Variants in RBFOX1 observed in about 807,000 individuals in gnomAD.
The protein encoded by RBFOX1 is RNA binding protein fox-1 homolog 1.
RBFOX1 carries 8 observed loss-of-function variants against 57.7 expected under a neutral mutation model. The observed-to-expected ratio is 0.14, with a 90% CI of 0.08 to 0.25. The LOEUF (loss-of-function observed/expected upper bound fraction) is 0.25, where lower values mean the gene tolerates loss of function less well. Ranked by LOEUF, RBFOX1 falls within the 10% of genes least tolerant of loss-of-function variation. The pLI, the probability that RBFOX1 is intolerant of heterozygous loss-of-function variation, is 1.00. For synonymous variants in RBFOX1, 326 were observed against 222.4 expected (o/e 1.47, Z -4.15); for missense variants, 611 against 548.5 (o/e 1.11, Z -1.14).
At chr16:7,089,699 C>G (rs551000873) in intron 4 of RBFOX1, among the ~76,000 whole-genome samples, 3 of 152,268 alleles carry the variant, frequency 2.0e-5, no homozygotes, top group South Asian at 4.1e-4. Context: ...GACCCCCTTC[C>G]ACATCCGAAA....
chr16:7,036,659 C>T (rs527264432), intron 3 of RBFOX1, among the ~76,000 whole-genome samples: 8 of 151,704 alleles, frequency 5.3e-5, no homozygotes, highest in African/African-American at 1.5e-4. Flanking sequence ...TGCCACTGCA[C>T]TCCAGCCTCG....
intron 2 of RBFOX1, among the ~76,000 whole-genome samples, chr16:5,529,191 A>G (rs2044362040): frequency 6.6e-6 from 1 of 151,994 alleles, no homozygotes; most frequent in Non-Finnish European, 1.5e-5. Context: ...CACCTATAAA[A>G]TGGGAATGAT....
At chr16:5,944,935 C>T (rs1362273889) in intron 4 of RBFOX1, among the ~76,000 whole-genome samples, 1 of 137,410 alleles carries the variant, frequency 7.3e-6, no homozygotes, top group Admixed American at 7.9e-5. Flanking sequence ...CACTGCACTC[C>T]AGCCTGGAGA....
chr16:7,652,075 C>T (rs553544191), intron 11 of RBFOX1, among the ~76,000 whole-genome samples: 9 of 151,746 alleles, frequency 5.9e-5, no homozygotes, highest in East Asian at 3.9e-4. Context: ...CAGGGGTAAC[C>T]GGGGTAACCA....
At chr16:6,063,159 C>G (rs1470644509) in intron 1 of RBFOX1, among the ~76,000 whole-genome samples, 1 of 152,098 alleles carries the variant, frequency 6.6e-6, no homozygotes, top group Non-Finnish European at 1.5e-5. Context: ...CATACGCTGA[C>G]CATCCCAGCA....
intron 1 of RBFOX1, among the ~76,000 whole-genome samples, chr16:6,128,910 C>T (rs2096609454): frequency 6.6e-6 from 1 of 152,172 alleles, no homozygotes. Flanking sequence ...GTTCCAGTTT[C>T]ACTAGAATAA....
chr16:6,865,157 C>G (rs2059704063), intron 3 of RBFOX1, among the ~76,000 whole-genome samples: 1 of 151,634 alleles, frequency 6.6e-6, no homozygotes, highest in African/African-American at 2.4e-5. Context: ...TGCCCACCAC[C>G]ACTCCTGGGT....
chr16:6,943,708 TAAAAA>T (rs35455385), intron 3 of RBFOX1, among the ~76,000 whole-genome samples: 3 of 134,012 alleles, frequency 2.2e-5, no homozygotes, highest in African/African-American at 8.4e-5. Context: ...ACTCTGTCTT[TAAAAA>T]AAAAAAAAAA....
intron 1 of RBFOX1, among the ~76,000 whole-genome samples, chr16:5,461,041 A>T (rs544009250): frequency 2.6e-5 from 4 of 152,080 alleles, no homozygotes; most frequent in Admixed American, 2.0e-4. Flanking sequence ...CATTTTCTCT[A>T]CTGGGGTGGG....
chr16:6,887,744 C>A (rs763450539), intron 3 of RBFOX1, among the ~76,000 whole-genome samples: 1 of 151,772 alleles, frequency 6.6e-6, no homozygotes, highest in African/African-American at 2.4e-5. Flanking sequence ...CTTACTGCAA[C>A]CTCTGCCTCC....
intron 1 of RBFOX1, among the ~76,000 whole-genome samples, chr16:5,369,636 C>T (rs552322266): frequency 6.6e-6 from 1 of 152,322 alleles, no homozygotes; most frequent in East Asian, 1.9e-4. Flanking sequence ...CTATGCTGGG[C>T]AAACTTGCTT....
chr16:7,053,401 C>T (rs1236613499), intron 4 of RBFOX1, among the ~76,000 whole-genome samples: 1 of 152,080 alleles, frequency 6.6e-6, no homozygotes, highest in Non-Finnish European at 1.5e-5. Flanking sequence ...TGCTTTTTTC[C>T]TGTAGTCTGA....
chr16:6,407,859 G>A (rs1400623362), intron 2 of RBFOX1, among the ~76,000 whole-genome samples: 1 of 152,136 alleles, frequency 6.6e-6, no homozygotes, highest in Non-Finnish European at 1.5e-5. Context: ...CAGCCTTTGT[G>A]AGTAGATCCC....
intron 4 of RBFOX1, among the ~76,000 whole-genome samples, chr16:7,482,851 C>T (rs936865327): frequency 7.9e-5 from 12 of 152,112 alleles, no homozygotes; most frequent in Admixed American, 6.5e-4. Context: ...ACACCATGTA[C>T]AGGAGATGGG....
At chr16:6,152,680 G>A (rs576757136) in intron 1 of RBFOX1, among the ~76,000 whole-genome samples, 11 of 118,748 alleles carry the variant, frequency 9.3e-5, no homozygotes, top group East Asian at 4.1e-4. Flanking sequence ...TATGGCTTTC[G>A]TACCTTCAAA....
intron 3 of RBFOX1, among the ~76,000 whole-genome samples, chr16:6,844,200 C>G (rs1452850707): frequency 6.7e-6 from 1 of 148,864 alleles, no homozygotes; most frequent in Non-Finnish European, 1.5e-5. Context: ...TTTTTTTTTT[C>G]CTTCATGTTT....
chr16:6,872,218 C>T (rs1485153558), intron 3 of RBFOX1, among the ~76,000 whole-genome samples: 1 of 152,068 alleles, frequency 6.6e-6, no homozygotes, highest in African/African-American at 2.4e-5. Flanking sequence ...GCATGGAGAC[C>T]AGCACATAGT....
At chr16:5,851,070 A>T (rs181924394) in intron 3 of RBFOX1, among the ~76,000 whole-genome samples, 1 of 152,244 alleles carries the variant, frequency 6.6e-6, no homozygotes, top group East Asian at 1.9e-4. Flanking sequence ...CACTTCCCCA[A>T]TTCCCAGGCC....
intron 4 of RBFOX1, among the ~76,000 whole-genome samples, chr16:7,303,500 C>T (rs924485629): frequency 2.6e-5 from 4 of 152,240 alleles, no homozygotes; most frequent in African/African-American, 7.2e-5. Context: ...GGGGCGCTCG[C>T]TCGCCTGCTC....
Sources: allele counts gnomAD v4.1 joint callset (sites outside exome capture counted in the v4.1 genomes callset), GRCh38; gene constraint gnomAD v4.1.1; transcripts MANE v1.5; gene names NCBI Gene and HGNC (gene_info 2026-07-23, HGNC 2026-07-21).